The following SNX29 variants were observed in gnomAD, a reference collection of about 807,000 sequenced individuals.
SNX29 encodes the protein sorting nexin 29, also known as sorting nexin-29.
In SNX29, 78 loss-of-function variants were observed where a neutral mutation model predicts 102.1. The ratio of observed to expected loss-of-function variants is 0.76; its 90% confidence interval spans 0.64 to 0.92. SNX29 has a LOEUF of 0.92. Among genes scored for constraint, SNX29 ranks in the 40% least tolerant of loss-of-function variants. SNX29 has a pLI of 0.00. For missense variants in SNX29, 1,280 were observed against 1,061.7 expected (o/e 1.21, Z -2.86); for synonymous variants, 580 against 414.5 (o/e 1.40, Z -4.85).
At chr16:12,101,389 T>A (rs565173860) in intron 11 of SNX29, among the ~76,000 whole-genome samples, 284 of 150,058 alleles carry the variant, frequency 1.9e-3, no homozygotes, top group Non-Finnish European at 2.5e-3. Context: ...CAATTTTATT[T>A]TTTTTTTTTT....
At position 12,523,790 on chromosome 16, in the gene SNX29, C is replaced by G. The variant is rs553267458; in HGVS notation, c.2179-912C>G. On this transcript the variant is annotated intron_variant, in intron 19 of 20. Coordinates refer to ENST00000566228, the MANE Select transcript of SNX29 (RefSeq NM_032167.5). ...TGATCACTGAGTGGTGGAAACTGCT[C>G]AGACCTGGGGACCTGTGCCTGCCTT... Among the ~76,000 whole-genome samples the G allele has an allele frequency of 3.6e-3, 554 of 152,296 alleles. 2 individuals carry two copies. Among genetic ancestry groups the G allele is most frequent in the Non-Finnish European group, 5.7e-3 (389 of 67,998 alleles).
At chr16:12,027,809 A>C in intron 4 of SNX29, 1 of 170,932 alleles carries the variant, frequency 5.9e-6, no homozygotes, top group Non-Finnish European at 1.3e-5. Flanking sequence ...AATGTCTTCC[A>C]TACCAGCAAC....
Position 12,356,177 on chromosome 16 carries a change from T to C in SNX29, c.1797T>C (p.His599=), listed in dbSNP as rs2151310372. 5 of 1,612,884 alleles carry C rather than the reference T, an allele frequency of 3.1e-6. No individual in the cohort carries two copies. Among genetic ancestry groups the C allele is most frequent in the Middle Eastern group, 3.3e-4 (2 of 6,062 alleles). The part of the protein sequence containing the change: ...ERKLIEVAEM[H]GELIEFNERL... ...TTGTGTTCCAGGTGGCAGAGATGCA[T>C]GGCGAGCTGATTGAGTTCAACGAGC... is the stretch of plus-strand genomic sequence containing the variant. The change falls in exon 16 of 21, where the codon CAT becomes CAC. Residue 599 remains histidine (H), a synonymous_variant. Coordinates refer to ENST00000566228, the MANE Select transcript of SNX29 (RefSeq NM_032167.5).
chr16:12,141,024 A>G (rs921345422), intron 13 of SNX29, among the ~76,000 whole-genome samples: 2 of 152,270 alleles, frequency 1.3e-5, no homozygotes, highest in African/African-American at 2.4e-5. Flanking sequence ...GTCTGGCGCA[A>G]CTGTGCTAGA....
chr16:12,512,391 T>G lies in SNX29; in HGVS notation c.2179-12311T>G, dbSNP rs1347617187. ...GAAAATATATATATATATATATATA[T>G]ATATATATATATATATATATATATA... On this transcript the variant is annotated intron_variant, in intron 19 of 20. Transcript: ENST00000566228. Among the ~76,000 whole-genome samples the G allele has an allele frequency of 5.5e-5, 4 of 72,616 alleles. 1 individual carries two copies. The highest frequency in any genetic ancestry group is 1.3e-4 in the African/African-American group (2 of 15,952). 47.6% of individuals were successfully genotyped at this position (72,616 alleles called of 152,430 possible).
At chr16:12,065,928 G>A (rs756561629) in intron 9 of SNX29, among the ~76,000 whole-genome samples, 23 of 152,104 alleles carry the variant, frequency 1.5e-4, no homozygotes, top group Non-Finnish European at 2.5e-4. Context: ...TTCCTCATCC[G>A]TAAAATTAGA....
chr16:12,016,218 A>G (rs1030897697), intron 3 of SNX29, among the ~76,000 whole-genome samples: 18 of 152,196 alleles, frequency 1.2e-4, no homozygotes, highest in African/African-American at 4.3e-4. Context: ...CAGATGTACA[A>G]ACAGTTGCCT....
At chr16:12,403,597 G>A in intron 18 of SNX29, 68 bp downstream of exon 18, 1 of 1,452,414 alleles carries the variant, frequency 6.9e-7, no homozygotes, top group Non-Finnish European at 9.5e-7. Context: ...ATGCTGTGGT[G>A]CTTTTTGCCT....
At chr16:11,979,209 A>T (rs1330037363) in intron 1 of SNX29, among the ~76,000 whole-genome samples, 1 of 134,100 alleles carries the variant, frequency 7.5e-6, no homozygotes, top group Non-Finnish European at 1.5e-5. Flanking sequence ...CAGGAGGTGG[A>T]CATTGCAGTG....
At chr16:12,300,913 G>A (rs923765469) in intron 15 of SNX29, among the ~76,000 whole-genome samples, 8 of 151,992 alleles carry the variant, frequency 5.3e-5, no homozygotes, top group Non-Finnish European at 5.9e-5. Context: ...TCGACATTCC[G>A]TACTCTGCCC....
chr16:12,549,636 A>T (rs1860864034), intron 20 of SNX29, among the ~76,000 whole-genome samples: 1 of 152,192 alleles, frequency 6.6e-6, no homozygotes, highest in African/African-American at 2.4e-5. Flanking sequence ...CTCTGTAAAG[A>T]GCATAGCTGC....
rs866576864 is a variant in SNX29 at position 12,428,363 on chromosome 16, G to A, written c.2037+24834G>A. The stretch of plus-strand genomic sequence containing the variant: ...GTGTCCATTCCAAAGATTAAAATAA[G>A]GTAAGACCAGTCTTAGCTGGTAGTA... On this transcript the variant is annotated intron_variant, in intron 18 of 20. Transcript: ENST00000566228. Among the ~76,000 whole-genome samples the A allele has an allele frequency of 3.3e-5, 5 of 152,128 alleles. 1 individual carries two copies. Among genetic ancestry groups the A allele is most frequent in the Admixed American group, 6.5e-5 (1 of 15,290 alleles).
At position 12,199,607 on chromosome 16, in the gene SNX29, C is replaced by G; in HGVS notation, c.1602C>G (p.Asn534Lys). ...AACATTCTTGTACCTGCAGAGAGAA[C>G]GAGGTGCTCAAAGTCCAACTGAAGA... ...GMKVQALARENEVLKVQLKKY... is the reference protein window; with the variant it reads ...GMKVQALAREKEVLKVQLKKY... Residue 534 changes from asparagine to lysine, a missense_variant, in exon 14 of 21, where the codon AAC becomes AAG. Asn to Lys is a moderately conservative substitution (Grantham distance 94). Coordinates refer to ENST00000566228, the MANE Select transcript of SNX29 (RefSeq NM_032167.5). 1 of 1,612,184 alleles carries G rather than the reference C, an allele frequency of 6.2e-7. No homozygotes were observed. Among genetic ancestry groups the G allele is most frequent in the South Asian group, 1.1e-5 (1 of 90,678 alleles).
At chr16:12,061,881 C>T (rs1372769771) in intron 9 of SNX29, among the ~76,000 whole-genome samples, 3 of 152,258 alleles carry the variant, frequency 2.0e-5, no homozygotes, top group Non-Finnish European at 4.4e-5. Flanking sequence ...TGGGCTGAAC[C>T]AGCTGGCAAG....
intron 20 of SNX29, among the ~76,000 whole-genome samples, chr16:12,555,536 G>C (rs1374206537): frequency 6.6e-6 from 1 of 151,264 alleles, no homozygotes; most frequent in African/African-American, 2.4e-5. Flanking sequence ...TGCTCTCTGG[G>C]AGGTCATACC....
chr16:12,542,009 G>A (rs777812559), intron 20 of SNX29, among the ~76,000 whole-genome samples: 14 of 152,178 alleles, frequency 9.2e-5, no homozygotes, highest in African/African-American at 1.7e-4. Context: ...GCTCACGTTT[G>A]CAGCACCGCT....
intron 8 of SNX29, among the ~76,000 whole-genome samples, chr16:12,054,463 C>G (rs527497398): frequency 5.3e-5 from 8 of 152,236 alleles, no homozygotes; most frequent in Non-Finnish European, 1.2e-4. Context: ...ATAGCCCTCC[C>G]CAGTGTGGGT....
chr16:12,510,643 A>G (rs2151916514), intron 19 of SNX29, among the ~76,000 whole-genome samples: 1 of 152,146 alleles, frequency 6.6e-6, no homozygotes, highest in Admixed American at 6.5e-5. Context: ...ACTGCACTCC[A>G]GCCTGGGCGA....
intron 19 of SNX29, among the ~76,000 whole-genome samples, chr16:12,495,218 C>G (rs1436276088): frequency 6.6e-6 from 1 of 152,102 alleles, no homozygotes; most frequent in African/African-American, 2.4e-5. Context: ...GTGGCATGGT[C>G]TCGGCTCACT....
Sources: gnomAD v4.1 joint callset for allele counts (sites outside exome capture counted in the v4.1 genomes callset) on GRCh38, gnomAD v4.1.1 for gene constraint, MANE v1.5 for transcripts, NCBI Gene and HGNC (gene_info 2026-07-23, HGNC 2026-07-21) for gene names.